The following DCLK1 variants were observed in gnomAD, a reference collection of about 807,000 sequenced individuals.
The protein encoded by DCLK1 is serine/threonine-protein kinase DCLK1.
DCLK1 carries 16 observed loss-of-function variants against 86.2 expected under a neutral mutation model. That is an observed-to-expected ratio of 0.19 (90% CI 0.13 to 0.28). The LOEUF (loss-of-function observed/expected upper bound fraction) is 0.28, where lower values mean the gene tolerates loss of function less well. Among genes scored for constraint, DCLK1 ranks in the 10% least tolerant of loss-of-function variants. The probability of loss-of-function intolerance (pLI) is 1.00; values close to 1 mark genes in which losing one functional copy is unlikely to be tolerated. For missense variants in DCLK1, 590 were observed against 940.2 expected (o/e 0.63, Z 4.87); for synonymous variants, 369 against 370.5 (o/e 1.00, Z 0.05).
At position 35,829,024 on chromosome 13, in the gene DCLK1, CT is replaced by C. The variant is rs59656277; in HGVS notation, c.1230-718del. On this transcript the variant is annotated intron_variant, in intron 8 of 16. Transcript: ENST00000360631. The stretch of plus-strand genomic sequence containing the variant: ...CTATTTCAGAGCTCCCTGGGGACCC[CT>C]GGGCCCTTTTATGGGCTGTCTCATT... 4.8e-3 allele frequency among the ~76,000 whole-genome samples: 734 copies of C among 152,218 alleles called. 4 individuals are homozygous for C. Among genetic ancestry groups the C allele is most frequent in the African/African-American group, 0.017 (707 of 41,536 alleles).
At chr13:35,883,040 G>T (rs575292916) in intron 4 of DCLK1, among the ~76,000 whole-genome samples, 6 of 152,286 alleles carry the variant, frequency 3.9e-5, no homozygotes, top group African/African-American at 1.4e-4. Context: ...TCTGAACACA[G>T]GAAGAAGTCA....
intron 16 of DCLK1, among the ~76,000 whole-genome samples, chr13:35,782,062 T>C (rs1030020267): frequency 6.6e-5 from 10 of 152,190 alleles, no homozygotes; most frequent in Admixed American, 2.6e-4. Context: ...AAGGAGGCCT[T>C]CTTGGGATGC....
intron 3 of DCLK1, among the ~76,000 whole-genome samples, chr13:36,092,116 G>A (rs552314879): frequency 2.8e-4 from 42 of 152,232 alleles, no homozygotes; most frequent in Non-Finnish European, 5.7e-4. Flanking sequence ...TTACTTAGCA[G>A]CTATGATACT....
intron 4 of DCLK1, 140 bp downstream of exon 4, chr13:35,947,218 C>T: frequency 1.9e-6 from 1 of 527,526 alleles, no homozygotes; most frequent in South Asian, 3.4e-5. Context: ...CAAAGAAATC[C>T]AAGATATGGA....
intron 11 of DCLK1, among the ~76,000 whole-genome samples, chr13:35,815,677 C>G (rs1198941409): frequency 6.6e-6 from 1 of 152,062 alleles, no homozygotes; most frequent in Non-Finnish European, 1.5e-5. Flanking sequence ...CTTTATGATG[C>G]TTTCTGAGGA....
chr13:35,947,974 T>C (rs1877474998), intron 3 of DCLK1, among the ~76,000 whole-genome samples: 2 of 152,286 alleles, frequency 1.3e-5, no homozygotes, highest in South Asian at 2.1e-4. Flanking sequence ...TAATAATAAA[T>C]AAATTAAGCT....
chr13:35,921,307 T>C (rs182849886), intron 4 of DCLK1, among the ~76,000 whole-genome samples: 199 of 152,234 alleles, frequency 1.3e-3, no homozygotes, highest in African/African-American at 4.2e-3. Flanking sequence ...TATTCAAGTG[T>C]GTGTTCCCTG....
chr13:35,850,902 A>G, intron 6 of DCLK1: 1 of 734,430 alleles, frequency 1.4e-6, no homozygotes, highest in Non-Finnish European at 2.0e-6. Context: ...CAAGTCACCA[A>G]CTTGGATTAG....
chr13:36,055,077 C>A (rs1400401722), intron 3 of DCLK1, among the ~76,000 whole-genome samples: 1 of 152,080 alleles, frequency 6.6e-6, no homozygotes, highest in African/African-American at 2.4e-5. Context: ...AAACTGGTCA[C>A]TGGGTTCGCT....
At chr13:36,055,016 G>A (rs1398404958) in intron 3 of DCLK1, among the ~76,000 whole-genome samples, 2 of 152,136 alleles carry the variant, frequency 1.3e-5, no homozygotes, top group East Asian at 3.9e-4. Flanking sequence ...GAATGCAGTA[G>A]GAGTTATGAG....
chr13:35,920,324 A>G (rs1875724194), intron 4 of DCLK1, among the ~76,000 whole-genome samples: 1 of 152,158 alleles, frequency 6.6e-6, no homozygotes, highest in Non-Finnish European at 1.5e-5. Flanking sequence ...CACGGAAGGG[A>G]CTAGCTGTGA....
chr13:35,909,064 G>A (rs983102002), intron 4 of DCLK1, among the ~76,000 whole-genome samples: 6 of 152,254 alleles, frequency 3.9e-5, no homozygotes, highest in Non-Finnish European at 8.8e-5. Context: ...AGCAGAGACA[G>A]GCTCCTAATT....
chr13:35,985,896 TC>T (rs1879878001), intron 3 of DCLK1, among the ~76,000 whole-genome samples: 1 of 152,134 alleles, frequency 6.6e-6, no homozygotes, highest in African/African-American at 2.4e-5. Flanking sequence ...GAAAGCCACA[TC>T]CTCAGCACAG....
chr13:36,087,413 C>CG (rs1884647148), intron 3 of DCLK1, among the ~76,000 whole-genome samples: 1 of 152,190 alleles, frequency 6.6e-6, no homozygotes, highest in South Asian at 2.1e-4. Flanking sequence ...TAAACCCTTG[C>CG]AAAGGAGTCT....
chr13:36,081,513 A>G (rs1176083051), intron 3 of DCLK1, among the ~76,000 whole-genome samples: 1 of 152,186 alleles, frequency 6.6e-6, no homozygotes, highest in Admixed American at 6.5e-5. Context: ...TTGAAATGCA[A>G]ATTTTCATTG....
At chr13:36,040,233 T>G (rs908563698) in intron 3 of DCLK1, among the ~76,000 whole-genome samples, 2 of 151,396 alleles carry the variant, frequency 1.3e-5, no homozygotes, top group Non-Finnish European at 2.9e-5. Flanking sequence ...ATCTCCTTTA[T>G]GACACCACAT....
chr13:35,802,289 G>A (rs1239765441), intron 15 of DCLK1, among the ~76,000 whole-genome samples: 1 of 150,348 alleles, frequency 6.7e-6, no homozygotes, highest in Non-Finnish European at 1.5e-5. Context: ...CCATGATTGA[G>A]CCACTGCATT....
intron 3 of DCLK1, among the ~76,000 whole-genome samples, chr13:36,057,688 A>C (rs1302422849): frequency 6.6e-6 from 1 of 152,172 alleles, no homozygotes; most frequent in Non-Finnish European, 1.5e-5. Context: ...CAGGATATTA[A>C]ATTTATGGAA....
rs113778651 is a variant in DCLK1 at position 36,055,881 on chromosome 13, T to C, written c.723+55988A>G. On this transcript the variant is annotated intron_variant, in intron 3 of 16. Coordinates refer to ENST00000360631, the MANE Select transcript of DCLK1 (RefSeq NM_001330071.2). ...TTAACTGTTTATTAAAAATAAACTT[T>C]AAAAAATTAACCATATAATGATTGC... 3.5e-3 allele frequency among the ~76,000 whole-genome samples: 530 copies of C among 152,328 alleles called. 3 individuals are homozygous for C. The highest frequency in any genetic ancestry group is 0.012 in the African/African-American group (491 of 41,582).
Sources: gnomAD v4.1 joint callset for allele counts (sites outside exome capture counted in the v4.1 genomes callset) on GRCh38, gnomAD v4.1.1 for gene constraint, MANE v1.5 for transcripts, NCBI Gene and HGNC (gene_info 2026-07-23, HGNC 2026-07-21) for gene names.